Variants in NRP2 observed in about 807,000 individuals in gnomAD.
NRP2 encodes neuropilin 2.
A neutral mutation model predicts 110.4 loss-of-function variants in NRP2; 52 were observed. The observed-to-expected ratio is 0.47, with a 90% confidence interval of 0.38 to 0.59. The LOEUF is 0.59. Among genes scored for constraint, NRP2 ranks in the 20% least tolerant of loss-of-function variants. The probability of loss-of-function intolerance (pLI) is 0.00; values close to 1 mark genes in which losing one functional copy is unlikely to be tolerated. For missense variants in NRP2, 1,049 were observed against 1,203.0 expected, an observed-to-expected ratio of 0.87 and a Z score of 1.89; for synonymous variants, 508 against 468.9, an observed-to-expected ratio of 1.08 and a Z score of -1.08.
chr2:205,698,534 T>C (rs849556), intron 2 of NRP2, among the ~76,000 whole-genome samples: 100,435 of 151,972 alleles, frequency 0.66, 34,474 homozygotes, highest in East Asian at 0.9. Flanking sequence ...CAAGTGGACA[T>C]TTAGACACTT....
In NRP2 at chr2:205,682,519, A is replaced by ACCAGCCTGCAGCCGGCC. The variant is rs2056035295; in HGVS notation, c.-769_-753dup. On this transcript the variant is annotated 5_prime_UTR_variant, in exon 1 of 17. Transcript: ENST00000357785. This position sits in a 1 kb window ranked among gnomAD's most constrained non-coding sequence, Gnocchi z 4.3. ...GGGAGGCAGAGATCGCGAGCGAGGC[A>ACCAGCCTGCAGCCGGCC]CCAGCCTGCAGCCGGCCCCCAGCAC... The ACCAGCCTGCAGCCGGCC allele has an allele frequency of 6.5e-6, 1 of 153,220 alleles. No individual in the cohort carries two copies. The highest frequency in any genetic ancestry group is 2.0e-4 in the South Asian group (1 of 5,094). 9.5% of individuals were successfully genotyped at this position (153,220 alleles called of 1,614,324 possible). A position where few individuals can be genotyped will look rare whatever the true frequency, so the allele number is the denominator to read the frequency against.
At chr2:205,733,702 A>G (rs1004325640) in intron 7 of NRP2, among the ~76,000 whole-genome samples, 1 of 151,590 alleles carries the variant, frequency 6.6e-6, no homozygotes, top group African/African-American at 2.4e-5. Flanking sequence ...AGAATGTCCG[A>G]GTTTCTCCTT....
chr2:205,793,268 A>T (rs1401304535), intron 16 of NRP2, among the ~76,000 whole-genome samples: 2 of 152,234 alleles, frequency 1.3e-5, no homozygotes, highest in African/African-American at 4.8e-5. Context: ...CCTGATCTCC[A>T]TTCCTGCTTT....
rs781459770 is a variant in NRP2, at chr2:205,765,548, T to C, written c.2382T>C (p.Asp794=). 1 of 1,613,994 alleles carries C rather than the reference T, an allele frequency of 6.2e-7. No individual in the cohort carries two copies. The highest frequency in any genetic ancestry group is 8.5e-7 in the Non-Finnish European group (1 of 1,179,848). ...IAIDDIRIST[D]VPLENCMEPI... ...TTGATGACATTCGGATAAGCACTGA[T>C]GTCCCACTGGAGAACTGCATGGGTA... The change falls in exon 14 of 17, where the codon GAT becomes GAC. Residue 794 remains aspartate, a synonymous_variant. Transcript: ENST00000357785.
chr2:205,736,025 T>C (rs1336812040), intron 7 of NRP2, among the ~76,000 whole-genome samples: 1 of 152,296 alleles, frequency 6.6e-6, no homozygotes, highest in South Asian at 2.1e-4. Flanking sequence ...TAAACAACCA[T>C]ACTAAGATCT....
rs1575532169 is a variant in NRP2 at position 205,686,819 on chromosome 2, T to A, written c.73+3456T>A. On this transcript the variant is annotated intron_variant, in intron 1 of 16. Coordinates refer to ENST00000357785, the MANE Select transcript of NRP2 (RefSeq NM_003872.3). This position sits in a 1 kb window ranked among gnomAD's most constrained non-coding sequence, Gnocchi z 4.7. ...GTGCTCCCTGCTCGGCTCCCCTCCC[T>A]CCACTTCCTGTTCTTTCGGTTTCAG... Among the ~76,000 whole-genome samples, 1 of 152,294 alleles carries A rather than the reference T, an allele frequency of 6.6e-6. No homozygotes were observed. Among genetic ancestry groups the A allele is most frequent in the South Asian group, 2.1e-4 (1 of 4,828 alleles).
chr2:205,718,032 A>AGG (rs1300675118), intron 3 of NRP2, among the ~76,000 whole-genome samples: 1 of 152,156 alleles, frequency 6.6e-6, no homozygotes, highest in East Asian at 1.9e-4. Flanking sequence ...TTAGCAATCG[A>AGG]GGGGCTCCAG....
chr2:205,777,048 C>T, intron 15 of NRP2: 23 of 1,002,666 alleles, frequency 2.3e-5, no homozygotes, highest in Non-Finnish European at 2.7e-5. Context: ...GAGAGGGCCC[C>T]TTTAACTCTT....
chr2:205,755,414 C>A (rs2057716943), intron 12 of NRP2, among the ~76,000 whole-genome samples: 1 of 152,126 alleles, frequency 6.6e-6, no homozygotes, highest in Non-Finnish European at 1.5e-5. Context: ...GGGAAAGTGG[C>A]ACTTATAACC....
At chr2:205,707,048 A>G (rs2056693245) in intron 2 of NRP2, among the ~76,000 whole-genome samples, 1 of 152,206 alleles carries the variant, frequency 6.6e-6, no homozygotes, top group Non-Finnish European at 1.5e-5. Context: ...GTAGAAGCTC[A>G]TGTCCTTTCT....
chr2:205,744,005 A>G (rs1240827367), intron 9 of NRP2, among the ~76,000 whole-genome samples: 1 of 152,142 alleles, frequency 6.6e-6, no homozygotes, highest in African/African-American at 2.4e-5. Flanking sequence ...TGGCCTCTCA[A>G]AGTGCTGGGA....
intron 6 of NRP2, 134 bp from the exon 7 acceptor site, chr2:205,727,757 A>G: frequency 1.2e-6 from 1 of 810,018 alleles, no homozygotes; most frequent in African/African-American, 1.7e-5. Context: ...AACTGATACT[A>G]ATTACAAGTA....
intron 5 of NRP2, 87 bp downstream of exon 5, chr2:205,724,027 G>A (rs576426251): frequency 3.5e-6 from 5 of 1,426,124 alleles, no homozygotes; most frequent in Non-Finnish European, 4.9e-6. Flanking sequence ...GCTCTTATGA[G>A]GGAGGAGATG....
chr2:205,790,187 G>A (rs190528026), intron 15 of NRP2, among the ~76,000 whole-genome samples: 4 of 152,292 alleles, frequency 2.6e-5, no homozygotes, highest in African/African-American at 9.6e-5. Context: ...CTGCATCTGG[G>A]CAATTGATTT....
Position 205,743,313 on chromosome 2 carries a change from G to A in NRP2, c.1402G>A (p.Val468Ile). 2.5e-6 allele frequency: 4 copies of A among 1,614,180 alleles called. No homozygotes were observed. Among genetic ancestry groups the A allele is most frequent in the Non-Finnish European group, 3.4e-6 (4 of 1,180,004 alleles). The change falls in exon 9 of 17, where the codon GTT (valine) becomes ATT (isoleucine). Residue 468 changes from valine to isoleucine, a missense_variant. Val to Ile is a conservative substitution (Grantham distance 29, BLOSUM62 3). Transcript: ENST00000357785. ...CTGGAGCCCCAGTGCAGCCCGCCTGGTTAGCAGCCGCTCGGGCTGGTTCCC... is the reference window on the plus strand; with the variant it reads ...CTGGAGCCCCAGTGCAGCCCGCCTGATTAGCAGCCGCTCGGGCTGGTTCCC... ...YLWSPSAARL[V>I]SSRSGWFPRI...
intron 2 of NRP2, among the ~76,000 whole-genome samples, chr2:205,711,670 G>A (rs2056801751): frequency 6.6e-6 from 1 of 152,168 alleles, no homozygotes; most frequent in South Asian, 2.1e-4. Context: ...TCAGGACTTG[G>A]GCAGAGATGT....
At position 205,763,746 on chromosome 2, in the gene NRP2, C is replaced by G. The variant is rs368956804; in HGVS notation, c.2117C>G (p.Pro706Arg). The change falls in exon 13 of 17, where the codon CCT becomes CGT. Residue 706 changes from proline to arginine, a missense_variant. Coordinates refer to ENST00000357785, the MANE Select transcript of NRP2 (RefSeq NM_003872.3). The surrounding 1 kb of genome is among the most constrained non-coding windows in gnomAD (Gnocchi z 4.0). Reference protein sequence around the residue: ...EGQYARLISPPVHLPRSPVCM... With the variant: ...EGQYARLISPRVHLPRSPVCM... ...CAGTATGCCCGGCTCATCAGCCCCC[C>G]TGTCCACCTGCCCCGAAGCCCGGTG... is the stretch of plus-strand genomic sequence containing the variant. The G allele has an allele frequency of 6.2e-7, 1 of 1,614,234 alleles. No individual in the cohort carries two copies. Among genetic ancestry groups the G allele is most frequent in the Non-Finnish European group, 8.5e-7 (1 of 1,180,042 alleles).
intron 2 of NRP2, among the ~76,000 whole-genome samples, chr2:205,707,179 TGGGATG>T (rs1224608381): frequency 6.6e-6 from 1 of 152,228 alleles, no homozygotes; most frequent in East Asian, 1.9e-4. Flanking sequence ...AGGGCATTTC[TGGGATG>T]GGGAGAGAAG....
At chr2:205,747,194 C>G (rs1005546436) in intron 10 of NRP2, among the ~76,000 whole-genome samples, 5 of 152,194 alleles carry the variant, frequency 3.3e-5, no homozygotes, top group African/African-American at 9.7e-5. Context: ...TCCTTCACAA[C>G]CCGCTTCACT....
Sources: gnomAD v4.1 joint callset for allele counts (sites outside exome capture counted in the v4.1 genomes callset) on GRCh38, gnomAD v4.1.1 for gene constraint, Gnocchi (gnomAD v3.1) non-coding constraint, MANE v1.5 for transcripts, NCBI Gene and HGNC (gene_info 2026-07-23, HGNC 2026-07-21) for gene names.